KIF6: variants seen among roughly 807,000 people sequenced by gnomAD.
The protein encoded by KIF6 is kinesin-like protein KIF6.
A neutral mutation model predicts 112.7 loss-of-function variants in KIF6; 106 were observed. The observed-to-expected ratio is 0.94, with a 90% CI of 0.80 to 1.11. The LOEUF (loss-of-function observed/expected upper bound fraction) is 1.11, where lower values mean the gene tolerates loss of function less well. Among genes scored for constraint, KIF6 ranks in the 50% least tolerant of loss-of-function variants. KIF6 has a pLI of 0.00. For synonymous variants in KIF6, 339 were observed against 339.9 expected (o/e 1.00, Z 0.03); for missense variants, 929 against 964.0 (o/e 0.96, Z 0.48).
At chr6:39,398,553 C>T (rs1461498178) in intron 15 of KIF6, among the ~76,000 whole-genome samples, 1 of 152,178 alleles carries the variant, frequency 6.6e-6, no homozygotes, top group Admixed American at 6.5e-5. Flanking sequence ...ACAAGCTAAT[C>T]ATTTTAATGG....
In KIF6 at chr6:39,342,378, G is replaced by C. The variant is rs556683764; in HGVS notation, c.2428+1331C>G. Among the ~76,000 whole-genome samples, 36 of 152,292 alleles carry C rather than the reference G, an allele frequency of 2.4e-4. No homozygotes were observed. Among genetic ancestry groups the C allele is most frequent in the Admixed American group, 4.6e-4 (7 of 15,290 alleles). On this transcript the variant is annotated intron_variant, in intron 22 of 22. Transcript: ENST00000287152. This position sits in a 1 kb window ranked among gnomAD's most constrained non-coding sequence, Gnocchi z 4.7. ...GTATTTGTCGACGTGTTCATTGTCT[G>C]TCTCCTTCCTCCCCCTAGAATGTCA...
intron 13 of KIF6, among the ~76,000 whole-genome samples, chr6:39,437,771 G>C (rs1385853947): frequency 6.6e-6 from 1 of 152,108 alleles, no homozygotes. Flanking sequence ...CATGTACGAC[G>C]GTGGTCCCAT....
At chr6:39,643,938 A>G (rs1477095031) in intron 3 of KIF6, among the ~76,000 whole-genome samples, 2 of 152,196 alleles carry the variant, frequency 1.3e-5, no homozygotes, top group Non-Finnish European at 2.9e-5. Context: ...ACTTGTCATC[A>G]TATCCATAAT....
At chr6:39,676,385 T>G (rs1474484897) in intron 3 of KIF6, among the ~76,000 whole-genome samples, 3 of 151,902 alleles carry the variant, frequency 2.0e-5, no homozygotes, top group Admixed American at 6.6e-5. Flanking sequence ...AATATGTAAA[T>G]CAAATGAAAT....
At chr6:39,350,974 C>A (rs907739946) in intron 19 of KIF6, among the ~76,000 whole-genome samples, 3 of 152,136 alleles carry the variant, frequency 2.0e-5, no homozygotes, top group African/African-American at 7.2e-5. Flanking sequence ...AGCATCCAAC[C>A]AGCTCGCCGG....
At chr6:39,686,313 C>T (rs1486161922) in intron 3 of KIF6, among the ~76,000 whole-genome samples, 1 of 152,098 alleles carries the variant, frequency 6.6e-6, no homozygotes, top group Admixed American at 6.5e-5. Context: ...CAGAATTACC[C>T]CTTTTATTTT....
At chr6:39,489,825 C>T (rs1323569348) in intron 13 of KIF6, among the ~76,000 whole-genome samples, 2 of 152,148 alleles carry the variant, frequency 1.3e-5, no homozygotes, top group Non-Finnish European at 2.9e-5. Flanking sequence ...AAATTAAGGT[C>T]TTCTTTAGAG....
intron 3 of KIF6, among the ~76,000 whole-genome samples, chr6:39,643,708 T>C (rs1020510352): frequency 1.3e-5 from 2 of 152,030 alleles, no homozygotes; most frequent in African/African-American, 4.8e-5. Context: ...GAGATAAAAC[T>C]TAAAAGAAAA....
In KIF6 at chr6:39,592,004, C is replaced by T. The variant is rs532372520; in HGVS notation, c.846+4050G>A. 2.2e-3 allele frequency among the ~76,000 whole-genome samples: 333 copies of T among 151,982 alleles called. 5 individuals are homozygous for T. Among genetic ancestry groups the T allele is most frequent in the African/African-American group, 7.7e-3 (320 of 41,460 alleles). ...GCTGGCGCCTGTAGTCCCAGCTACT[C>T]GGGAGGCTGAGGCAGGAGAATGGCA... On this transcript the variant is annotated intron_variant, in intron 7 of 22. Coordinates refer to ENST00000287152, the MANE Select transcript of KIF6 (RefSeq NM_145027.6).
In KIF6 at chr6:39,335,842, G is replaced by C. The variant is rs1013779256; in HGVS notation, c.*690C>G. ...TGCCCTCTCTCAAGCTCTCAGCAGAGCCCCTGGGAGCTGCCCACTGTTCTC... is the reference window on the plus strand; with the variant it reads ...TGCCCTCTCTCAAGCTCTCAGCAGACCCCCTGGGAGCTGCCCACTGTTCTC... On this transcript the variant is annotated 3_prime_UTR_variant, in exon 23 of 23. Coordinates refer to ENST00000287152, the MANE Select transcript of KIF6 (RefSeq NM_145027.6). The C allele has an allele frequency of 1.7e-4, 26 of 152,356 alleles. No homozygotes were observed. Among genetic ancestry groups the C allele is most frequent in the Admixed American group, 1.6e-3 (24 of 15,280 alleles). The allele number at this position is 152,356 out of a possible 1,614,324, so 9.4% of individuals were successfully genotyped here.
At chr6:39,687,448 G>T (rs1214122093) in intron 3 of KIF6, among the ~76,000 whole-genome samples, 1 of 152,102 alleles carries the variant, frequency 6.6e-6, no homozygotes, top group Admixed American at 6.6e-5. Context: ...TTCTCTAAAA[G>T]GTCTGAAAGT....
intron 15 of KIF6, among the ~76,000 whole-genome samples, chr6:39,405,865 G>A (rs1165999120): frequency 1.3e-5 from 2 of 152,114 alleles, no homozygotes; most frequent in African/African-American, 4.8e-5. Flanking sequence ...TTTAGTAGAT[G>A]GTATGAAACC....
intron 13 of KIF6, among the ~76,000 whole-genome samples, chr6:39,498,780 C>A (rs1562266128): frequency 1.3e-5 from 2 of 151,972 alleles, no homozygotes; most frequent in Admixed American, 1.3e-4. Flanking sequence ...TTTTTAGGTT[C>A]TAACAGCATT....
At chr6:39,535,987 C>T in intron 13 of KIF6, among the ~76,000 whole-genome samples, 1 of 151,894 alleles carries the variant, frequency 6.6e-6, no homozygotes, top group East Asian at 1.9e-4. Flanking sequence ...GAAATGAAGG[C>T]AGAAATAAAG....
intron 13 of KIF6, among the ~76,000 whole-genome samples, chr6:39,498,916 C>T (rs1775950523): frequency 6.6e-6 from 1 of 151,892 alleles, no homozygotes; most frequent in Non-Finnish European, 1.5e-5. Flanking sequence ...CCTGTGGGCA[C>T]ACAGAAGGGG....
intron 5 of KIF6, among the ~76,000 whole-genome samples, chr6:39,624,424 A>G (rs888470585): frequency 6.6e-6 from 1 of 152,238 alleles, no homozygotes; most frequent in African/African-American, 2.4e-5. Flanking sequence ...TCTAAAGAAC[A>G]GAATAAAGTG....
At chr6:39,576,372 C>T (rs141697367) in intron 10 of KIF6, among the ~76,000 whole-genome samples, 253 of 152,264 alleles carry the variant, frequency 1.7e-3, no homozygotes, top group African/African-American at 5.8e-3. Flanking sequence ...GATCCACCCG[C>T]CTCAGCCTCC....
chr6:39,535,070 C>T (rs568247240), intron 13 of KIF6, among the ~76,000 whole-genome samples: 1 of 152,284 alleles, frequency 6.6e-6, no homozygotes, highest in South Asian at 2.1e-4. Flanking sequence ...AAGCACTAAA[C>T]ATGGAAAGGA....
intron 13 of KIF6, among the ~76,000 whole-genome samples, chr6:39,491,205 CT>C (rs1270545954): frequency 7.9e-5 from 12 of 152,116 alleles, no homozygotes; most frequent in South Asian, 6.2e-4. Context: ...AATACTAACT[CT>C]CTTGAAGCCT....
Sources: allele counts gnomAD v4.1 joint callset (sites outside exome capture counted in the v4.1 genomes callset), GRCh38; gene constraint gnomAD v4.1.1; non-coding constraint Gnocchi (gnomAD v3.1); transcripts MANE v1.5; gene names NCBI Gene and HGNC (gene_info 2026-07-23, HGNC 2026-07-21).